Variants in PDE1C observed in about 807,000 individuals in gnomAD.
The protein encoded by PDE1C is phosphodiesterase 1C, also known as dual specificity calcium/calmodulin-dependent 3',5'-cyclic nucleotide phosphodiesterase 1C.
Under a neutral mutation model 93.1 loss-of-function variants are expected in PDE1C, and 62 were observed. The ratio of observed to expected loss-of-function variants is 0.67; its 90% CI spans 0.54 to 0.82. The LOEUF (loss-of-function observed/expected upper bound fraction) is 0.82, where lower values mean the gene tolerates loss of function less well. Among genes scored for constraint, PDE1C ranks in the 40% least tolerant of loss-of-function variants. The pLI is 0.00. For synonymous variants in PDE1C, 325 were observed against 310.1 expected (o/e 1.05, Z -0.50); for missense variants, 742 against 884.6 (o/e 0.84, Z 2.04).
intron 2 of PDE1C, among the ~76,000 whole-genome samples, chr7:31,996,239 C>G (rs894275932): frequency 9.2e-5 from 14 of 152,064 alleles, no homozygotes; most frequent in African/African-American, 2.9e-4. Flanking sequence ...CTTTGCATCC[C>G]TGGATGGAGC....
At chr7:32,192,676 A>AT (rs999033099) in intron 2 of PDE1C, among the ~76,000 whole-genome samples, 4 of 151,922 alleles carry the variant, frequency 2.6e-5, no homozygotes, top group Admixed American at 2.6e-4. Context: ...ACTTCCTACG[A>AT]TTTTCTGTAT....
At chr7:31,833,971 C>T (rs903990723) in intron 11 of PDE1C, among the ~76,000 whole-genome samples, 7 of 152,198 alleles carry the variant, frequency 4.6e-5, no homozygotes, top group African/African-American at 1.7e-4. Context: ...GGCCCAGGGT[C>T]CCCCTGCTGT....
intron 1 of PDE1C, among the ~76,000 whole-genome samples, chr7:32,414,100 CTA>C (rs935413448): frequency 6.0e-5 from 9 of 151,232 alleles, no homozygotes; most frequent in African/African-American, 2.2e-4. Context: ...GCAGTCTGAA[CTA>C]CTAGGAAGGC....
At chr7:32,366,868 C>CAAAAAAA (rs141845086) in intron 1 of PDE1C, among the ~76,000 whole-genome samples, 33 of 144,448 alleles carry the variant, frequency 2.3e-4, no homozygotes, top group African/African-American at 6.7e-4. Context: ...ACTAAAAATA[C>CAAAAAAA]AAAAAAAAAA....
At chr7:32,094,592 C>T (rs931909181) in intron 3 of PDE1C, among the ~76,000 whole-genome samples, 2 of 152,138 alleles carry the variant, frequency 1.3e-5, no homozygotes, top group South Asian at 2.1e-4. Context: ...TAAGAGAGTG[C>T]CAACCAAACA....
intron 3 of PDE1C, among the ~76,000 whole-genome samples, chr7:32,086,236 A>G (rs1282575158): frequency 2.0e-5 from 3 of 147,784 alleles, no homozygotes; most frequent in African/African-American, 7.6e-5. Context: ...CCAAATCATG[A>G]GTGAACTCCC....
chr7:31,626,501 A>G, the PDE1C span, among the ~76,000 whole-genome samples: 6 of 152,226 alleles, frequency 3.9e-5, no homozygotes, highest in South Asian at 1.2e-3. Context: ...TTTCTGTAGT[A>G]TGCTTCCCTT....
intron 3 of PDE1C, among the ~76,000 whole-genome samples, chr7:32,104,341 A>G (rs1798187267): frequency 6.6e-6 from 1 of 152,232 alleles, no homozygotes; most frequent in Non-Finnish European, 1.5e-5. Flanking sequence ...GCTCTCAATT[A>G]TAATACAAAA....
At chr7:31,904,991 G>A (rs1054554258) in intron 2 of PDE1C, among the ~76,000 whole-genome samples, 1 of 151,946 alleles carries the variant, frequency 6.6e-6, no homozygotes, top group Non-Finnish European at 1.5e-5. Context: ...ACTATGGGCT[G>A]GATACTATAT....
intron 1 of PDE1C, among the ~76,000 whole-genome samples, chr7:32,261,392 C>A (rs1241935316): frequency 6.6e-6 from 1 of 152,156 alleles, no homozygotes; most frequent in African/African-American, 2.4e-5. Flanking sequence ...CCAATCAGCA[C>A]TCCCCACTTC....
intron 16 of PDE1C, among the ~76,000 whole-genome samples, chr7:31,776,108 C>T (rs1782941410): frequency 1.3e-5 from 2 of 152,192 alleles, no homozygotes; most frequent in South Asian, 4.1e-4. Flanking sequence ...TTCTAATGTG[C>T]ATCCAGGATG....
chr7:32,307,064 TC>T (rs752455110), intron 1 of PDE1C, among the ~76,000 whole-genome samples: 13 of 152,208 alleles, frequency 8.5e-5, no homozygotes, highest in Non-Finnish European at 1.2e-4. Flanking sequence ...CTTCTGTGCT[TC>T]CCAGGATCAA....
At chr7:31,879,336 A>T in intron 3 of PDE1C, 158 bp from the exon 4 acceptor site, 2 of 644,584 alleles carry the variant, frequency 3.1e-6, no homozygotes, top group Non-Finnish European at 5.2e-6. Flanking sequence ...GGTAAGGCTT[A>T]TGTAAGCTCG....
chr7:31,893,686 T>C (rs1180178924), intron 2 of PDE1C, among the ~76,000 whole-genome samples: 1 of 152,180 alleles, frequency 6.6e-6, no homozygotes, highest in African/African-American at 2.4e-5. Context: ...CCTCCTCTGT[T>C]AGCTATTTCT....
At chr7:32,337,962 C>A (rs1783664329) in intron 1 of PDE1C, among the ~76,000 whole-genome samples, 1 of 152,086 alleles carries the variant, frequency 6.6e-6, no homozygotes, top group Non-Finnish European at 1.5e-5. Flanking sequence ...ACCTTACACG[C>A]TCTACAAAAA....
At chr7:31,939,317 T>C (rs1357610844) in intron 2 of PDE1C, among the ~76,000 whole-genome samples, 1 of 152,106 alleles carries the variant, frequency 6.6e-6, no homozygotes, top group East Asian at 1.9e-4. Flanking sequence ...CTGACTTGGG[T>C]GAGCAATGAA....
the PDE1C span, among the ~76,000 whole-genome samples, chr7:31,628,859 A>T: frequency 6.6e-6 from 1 of 152,196 alleles, no homozygotes; most frequent in South Asian, 2.1e-4. Context: ...TACTGTCTGA[A>T]CATTTGATGT....
the PDE1C span, chr7:31,652,422 C>T: frequency 4.0e-5 from 59 of 1,468,342 alleles, no homozygotes; most frequent in Admixed American, 9.6e-5. Flanking sequence ...TCTAGAGAAT[C>T]GACCACCTCA....
At chr7:31,809,971 T>A (rs576458280) in intron 15 of PDE1C, among the ~76,000 whole-genome samples, 8 of 152,206 alleles carry the variant, frequency 5.3e-5, no homozygotes, top group Admixed American at 2.0e-4. Flanking sequence ...GCAAATACAT[T>A]TTCTTGAAAC....
Sources: allele counts gnomAD v4.1 joint callset (sites outside exome capture counted in the v4.1 genomes callset), GRCh38; gene constraint gnomAD v4.1.1; transcripts MANE v1.5; gene names NCBI Gene and HGNC (gene_info 2026-07-23, HGNC 2026-07-21).